The following ADAMTS19 variants were observed in gnomAD, a reference collection of about 807,000 sequenced individuals.
The protein encoded by ADAMTS19 is ADAM metallopeptidase with thrombospondin type 1 motif 19.
In ADAMTS19, 93 loss-of-function variants were observed where a neutral mutation model predicts 153.3. The observed-to-expected ratio is 0.61, with a 90% CI of 0.51 to 0.72. ADAMTS19 has a LOEUF of 0.72. Among genes scored for constraint, ADAMTS19 ranks in the 30% least tolerant of loss-of-function variants. The pLI is 0.00. For synonymous variants in ADAMTS19, 600 were observed against 556.6 expected (o/e 1.08, Z -1.10); for missense variants, 1,482 against 1,552.1 (o/e 0.95, Z 0.76).
At chr5:129,643,349 C>A in intron 11 of ADAMTS19, among the ~76,000 whole-genome samples, 1 of 115,640 alleles carries the variant, frequency 8.6e-6, no homozygotes, top group Non-Finnish European at 1.6e-5. Flanking sequence ...GCGACAGAGC[C>A]AGACCTTGTT....
At chr5:129,729,602 C>T (rs1757351429) in intron 21 of ADAMTS19, among the ~76,000 whole-genome samples, 1 of 151,824 alleles carries the variant, frequency 6.6e-6, no homozygotes, top group South Asian at 2.1e-4. Context: ...TACAGAATTT[C>T]CATTATTTCT....
chr5:129,670,269 G>A (rs961709294), intron 16 of ADAMTS19, among the ~76,000 whole-genome samples: 2 of 151,924 alleles, frequency 1.3e-5, no homozygotes, highest in Non-Finnish European at 2.9e-5. Context: ...ATTCTGGAAG[G>A]CATTTTGTTC....
chr5:129,566,676 C>A (rs1045990877), intron 7 of ADAMTS19, among the ~76,000 whole-genome samples: 1 of 152,106 alleles, frequency 6.6e-6, no homozygotes, highest in Admixed American at 6.6e-5. Context: ...CAGGAAGGGG[C>A]CCTGATGCTC....
chr5:129,707,371 C>T (rs1332046536), intron 21 of ADAMTS19, among the ~76,000 whole-genome samples: 2 of 152,144 alleles, frequency 1.3e-5, no homozygotes, highest in Non-Finnish European at 2.9e-5. Context: ...TGTCTACTTT[C>T]GGACTTTATA....
chr5:129,643,987 T>G (rs1418294694), intron 11 of ADAMTS19, among the ~76,000 whole-genome samples: 1 of 149,492 alleles, frequency 6.7e-6, no homozygotes, highest in South Asian at 2.1e-4. Context: ...TTGTCTTTAG[T>G]TTTTTAGCAA....
intron 19 of ADAMTS19, among the ~76,000 whole-genome samples, chr5:129,700,465 T>C (rs1331381876): frequency 6.6e-6 from 1 of 152,194 alleles, no homozygotes; most frequent in Non-Finnish European, 1.5e-5. Context: ...GATTGCTTTA[T>C]CCAGGTAAGA....
At chr5:129,683,687 C>T (rs1340569341) in intron 17 of ADAMTS19, among the ~76,000 whole-genome samples, 1 of 151,748 alleles carries the variant, frequency 6.6e-6, no homozygotes, top group Non-Finnish European at 1.5e-5. Context: ...CTTTTCTCTA[C>T]ATTTGGCATT....
intron 6 of ADAMTS19, among the ~76,000 whole-genome samples, chr5:129,533,863 A>G (rs1472223822): frequency 1.3e-5 from 2 of 152,066 alleles, no homozygotes; most frequent in Admixed American, 1.3e-4. Context: ...CCCAGTAGTC[A>G]TTCAGGAGCA....
intron 19 of ADAMTS19, among the ~76,000 whole-genome samples, chr5:129,695,570 T>C (rs1477503609): frequency 6.6e-6 from 1 of 152,190 alleles, no homozygotes; most frequent in Non-Finnish European, 1.5e-5. Flanking sequence ...CTGAGTATAA[T>C]TTTGGACCAG....
rs569929871 is a variant in ADAMTS19 at position 129,526,907 on chromosome 5, AAT to A, written c.1086+456_1086+457del. The stretch of plus-strand genomic sequence containing the variant: ...TTGGTGAAATTATCATAAATATTTT[AAT>A]ATATGTTTATATATGTGGCCCCACA... On this transcript the variant is annotated intron_variant, in intron 4 of 22. Coordinates refer to ENST00000274487, the MANE Select transcript of ADAMTS19 (RefSeq NM_133638.6). 2.1e-3 allele frequency among the ~76,000 whole-genome samples: 322 copies of A among 152,002 alleles called. 2 individuals carry two copies. Among genetic ancestry groups the A allele is most frequent in the African/African-American group, 7.1e-3 (296 of 41,530 alleles).
chr5:129,686,804 C>T (rs1755113213), intron 18 of ADAMTS19, among the ~76,000 whole-genome samples: 1 of 152,056 alleles, frequency 6.6e-6, no homozygotes, highest in Non-Finnish European at 1.5e-5. Flanking sequence ...CACTTTGTGC[C>T]CCAAGGATAA....
rs77963272 is a variant in ADAMTS19, at chr5:129,709,817, C to T, written c.3312+5426C>T. Among the ~76,000 whole-genome samples, 1,334 of 152,198 alleles carry T rather than the reference C, an allele frequency of 8.8e-3. 21 individuals are homozygous for T. The highest frequency in any genetic ancestry group is 0.029 in the African/African-American group (1,218 of 41,544). On this transcript the variant is annotated intron_variant, in intron 21 of 22. Coordinates refer to ENST00000274487, the MANE Select transcript of ADAMTS19 (RefSeq NM_133638.6). Reference sequence around the variant, plus strand: ...CAGTCAATACAAGTGACTTGATTTGCGCCATTTCACATATCCCTAAAGAAA... The same window carrying T: ...CAGTCAATACAAGTGACTTGATTTGTGCCATTTCACATATCCCTAAAGAAA...
chr5:129,498,752 C>T (rs1026992413), intron 2 of ADAMTS19, among the ~76,000 whole-genome samples: 6 of 151,200 alleles, frequency 4.0e-5, no homozygotes, highest in Non-Finnish European at 8.8e-5. Flanking sequence ...AATGCCATCT[C>T]CTTAGTTATT....
chr5:129,507,808 TA>T, intron 2 of ADAMTS19, among the ~76,000 whole-genome samples: 1 of 151,732 alleles, frequency 6.6e-6, no homozygotes, highest in South Asian at 2.1e-4. Flanking sequence ...ATCGAGGTGA[TA>T]AAATTGCTTA....
chr5:129,577,512 A>C (rs959671316), intron 7 of ADAMTS19, among the ~76,000 whole-genome samples: 1 of 152,178 alleles, frequency 6.6e-6, no homozygotes, highest in African/African-American at 2.4e-5. Context: ...CAGAGTGATC[A>C]AGAAATGTCT....
rs192216161 is a variant in ADAMTS19 at position 129,730,092 on chromosome 5, G to T, written c.3313-4840G>T. Among the ~76,000 whole-genome samples, 339 of 152,128 alleles carry T rather than the reference G, an allele frequency of 2.2e-3. 2 individuals carry two copies. The highest frequency in any genetic ancestry group is 7.7e-3 in the African/African-American group (321 of 41,544). ...TTAAAAGTTTTAGTTAAACTGTATTGCATTGTCCTGAAAATACTTTTCTAA... is the reference window on the plus strand; with the variant it reads ...TTAAAAGTTTTAGTTAAACTGTATTTCATTGTCCTGAAAATACTTTTCTAA... On this transcript the variant is annotated intron_variant, in intron 21 of 22. Coordinates refer to ENST00000274487, the MANE Select transcript of ADAMTS19 (RefSeq NM_133638.6).
intron 21 of ADAMTS19, among the ~76,000 whole-genome samples, chr5:129,728,399 A>G (rs941764103): frequency 2.6e-5 from 4 of 152,132 alleles, no homozygotes; most frequent in African/African-American, 9.7e-5. Context: ...TTTAGGGTAC[A>G]TGTACACAAC....
intron 2 of ADAMTS19, among the ~76,000 whole-genome samples, chr5:129,494,728 T>A (rs570260820): frequency 6.6e-6 from 1 of 152,312 alleles, no homozygotes; most frequent in African/African-American, 2.4e-5. Context: ...TTCTCTATAT[T>A]ATCGATGGCC....
At chr5:129,498,491 T>G (rs1361563222) in intron 2 of ADAMTS19, among the ~76,000 whole-genome samples, 1 of 152,072 alleles carries the variant, frequency 6.6e-6, no homozygotes, top group African/African-American at 2.4e-5. Context: ...ATATTACTTA[T>G]TCTTTATTTG....
Sources: gnomAD v4.1 joint callset for allele counts (sites outside exome capture counted in the v4.1 genomes callset) on GRCh38, gnomAD v4.1.1 for gene constraint, MANE v1.5 for transcripts, NCBI Gene and HGNC (gene_info 2026-07-23, HGNC 2026-07-21) for gene names.